The following EAPP variants were observed in gnomAD, a reference collection of about 807,000 sequenced individuals.
EAPP encodes the protein E2F associated phosphoprotein, also known as E2F-associated phosphoprotein.
A neutral mutation model predicts 34.3 loss-of-function variants in EAPP; 38 were observed. The ratio of observed to expected loss-of-function variants is 1.11; its 90% CI spans 0.85 to 1.45. The LOEUF is 1.45. Ranked by LOEUF, EAPP falls within the 40% of genes most tolerant of loss-of-function variation. EAPP has a pLI of 0.00. For missense variants in EAPP, 338 were observed against 343.7 expected, an observed-to-expected ratio of 0.98 and a Z score of 0.13; for synonymous variants, 113 against 117.6, an observed-to-expected ratio of 0.96 and a Z score of 0.25.
intron 5 of EAPP, among the ~76,000 whole-genome samples, chr14:34,519,530 T>C (rs1257224117): frequency 1.2e-4 from 17 of 147,628 alleles, no homozygotes; most frequent in African/African-American, 3.2e-4. Context: ...CAAGACTCCC[T>C]CTCAAAAAAA....
At chr14:34,537,305 C>G (rs1335396670) in intron 1 of EAPP, among the ~76,000 whole-genome samples, 1 of 152,202 alleles carries the variant, frequency 6.6e-6, no homozygotes, top group Non-Finnish European at 1.5e-5. Context: ...GCCACTGCAC[C>G]AGACCTGTAT....
Position 34,516,512 on chromosome 14 carries a change from C to T in EAPP, c.656G>A (p.Arg219Lys). 6.2e-7 allele frequency: 1 copy of T among 1,614,088 alleles called. No individual in the cohort carries two copies. The highest frequency in any genetic ancestry group is 8.5e-7 in the Non-Finnish European group (1 of 1,179,992). Residue 219 changes from arginine (R) to lysine (K), a missense_variant, in exon 6 of 6, where the codon AGA (arginine) becomes AAA (lysine). Coordinates refer to ENST00000250454, the MANE Select transcript of EAPP (RefSeq NM_018453.4). ...NCSINKEEVL[R>K]YKASENRKKR... ...CTTCCTGTTCTCTGAGGCTTTATAT[C>T]TTAGAACCTCCTCTTTGTTAATAGA...
chr14:34,517,653 T>C (rs1488166427), intron 5 of EAPP, among the ~76,000 whole-genome samples: 1 of 152,162 alleles, frequency 6.6e-6, no homozygotes, highest in Non-Finnish European at 1.5e-5. Flanking sequence ...AATTGTATCT[T>C]TTAAAATTAT....
At position 34,518,325 on chromosome 14, in the gene EAPP, A is replaced by ATTTTTTTTTTT. The variant is rs71404852; in HGVS notation, c.582-1750_582-1740dup. On this transcript the variant is annotated intron_variant, in intron 5 of 5. Transcript: ENST00000250454. Reference sequence around the variant, plus strand: ...TACTGTATTGTATCTCTCCCTTTAGATTTTTTTTTTTTTTTTTTTTTTTTT... The same window carrying ATTTTTTTTTTT: ...TACTGTATTGTATCTCTCCCTTTAGATTTTTTTTTTTTTTTTTTTTTTTTTTTTTTTTTTTT... 4.0e-5 allele frequency among the ~76,000 whole-genome samples: 3 copies of ATTTTTTTTTTT among 74,082 alleles called. 1 individual carries two copies. The highest frequency in any genetic ancestry group is 2.1e-4 in the African/African-American group (3 of 14,626). The allele number at this position is 74,082 out of a possible 152,430, so 48.6% of individuals were successfully genotyped here. A position where few individuals can be genotyped will look rare whatever the true frequency, so the allele number is the denominator to read the frequency against.
At chr14:34,532,186 G>A (rs1353482839) in intron 3 of EAPP, among the ~76,000 whole-genome samples, 2 of 149,220 alleles carry the variant, frequency 1.3e-5, no homozygotes, top group African/African-American at 2.5e-5. Context: ...GCCAGGCCGC[G>A]GTGGCTCACA....
chr14:34,525,896 T>C (rs994965501), intron 4 of EAPP, among the ~76,000 whole-genome samples: 1 of 151,920 alleles, frequency 6.6e-6, no homozygotes, highest in Admixed American at 6.6e-5. Flanking sequence ...GGCACATGCC[T>C]GTAGTCCCAG....
intron 2 of EAPP, among the ~76,000 whole-genome samples, chr14:34,535,607 T>C (rs953000779): frequency 6.6e-6 from 1 of 151,602 alleles, no homozygotes; most frequent in African/African-American, 2.4e-5. Context: ...TAATTTTTTG[T>C]ATTTTTAGTA....
At chr14:34,529,021 A>G (rs970236864) in intron 4 of EAPP, among the ~76,000 whole-genome samples, 1 of 152,030 alleles carries the variant, frequency 6.6e-6, no homozygotes, top group African/African-American at 2.4e-5. Context: ...CTGTAATCCC[A>G]ACTACTCGGG....
intron 2 of EAPP, among the ~76,000 whole-genome samples, chr14:34,533,819 A>G (rs1466510432): frequency 6.6e-6 from 1 of 152,160 alleles, no homozygotes; most frequent in Admixed American, 6.6e-5. Flanking sequence ...GGTTGCCAGC[A>G]CACATATCTC....
intron 3 of EAPP, among the ~76,000 whole-genome samples, chr14:34,530,901 T>A: frequency 2.1e-5 from 1 of 48,686 alleles, no homozygotes; most frequent in Non-Finnish European, 3.8e-5. Flanking sequence ...ACCCAATCTT[T>A]ACCAAAAAAA....
intron 3 of EAPP, among the ~76,000 whole-genome samples, chr14:34,531,008 G>T (rs72673453): frequency 0.035 from 5,287 of 149,258 alleles, 104 homozygotes; most frequent in Middle Eastern, 0.093. Flanking sequence ...TAGACTTTTT[G>T]AATGTATTCT....
chr14:34,536,702 TTTTG>T (rs570284667), intron 1 of EAPP, among the ~76,000 whole-genome samples: 70 of 152,048 alleles, frequency 4.6e-4, no homozygotes, highest in South Asian at 1.9e-3. Context: ...AGGATGGTTT[TTTTG>T]TTTGTTTGTT....
At chr14:34,523,526 GTT>G (rs10668919) in intron 5 of EAPP, among the ~76,000 whole-genome samples, 3 of 119,496 alleles carry the variant, frequency 2.5e-5, no homozygotes, top group Non-Finnish European at 1.7e-5. Flanking sequence ...CGCCCAGCCC[GTT>G]TTTTTTTTTT....
intron 2 of EAPP, among the ~76,000 whole-genome samples, chr14:34,534,483 A>T (rs536235924): frequency 6.6e-6 from 1 of 152,292 alleles, no homozygotes; most frequent in South Asian, 2.1e-4. Context: ...ATTTTACATA[A>T]AGACCAAGTA....
At chr14:34,532,805 G>A (rs570159413) in intron 3 of EAPP, among the ~76,000 whole-genome samples, 1 of 151,524 alleles carries the variant, frequency 6.6e-6, no homozygotes, top group African/African-American at 2.4e-5. Context: ...CTCCTGAGTA[G>A]CCGGGATTAC....
intron 3 of EAPP, among the ~76,000 whole-genome samples, 165 bp from the exon 4 acceptor site, chr14:34,529,640 G>A (rs1265729825): frequency 1.3e-5 from 2 of 152,190 alleles, no homozygotes; most frequent in African/African-American, 4.8e-5. Flanking sequence ...AGCACTTTGG[G>A]AGGCCAAGGT....
In EAPP at chr14:34,536,079, G is replaced by C; in HGVS notation, c.256+15C>G. Reference sequence around the variant, plus strand: ...AGCTTACAAAAATATATATAAAATTGAACCAAAAGTTTACCAGTTCCCAGA... The same window carrying C: ...AGCTTACAAAAATATATATAAAATTCAACCAAAAGTTTACCAGTTCCCAGA... On this transcript the variant is annotated intron_variant, in intron 2 of 5. Transcript: ENST00000250454. The C allele has an allele frequency of 1.3e-6, 2 of 1,596,104 alleles. No homozygotes were observed.
Position 34,516,174 on chromosome 14 carries a change from T to C in EAPP, c.*136A>G, listed in dbSNP as rs1594653543. On this transcript the variant is annotated 3_prime_UTR_variant, in exon 6 of 6. Coordinates refer to ENST00000250454, the MANE Select transcript of EAPP (RefSeq NM_018453.4). ...GAGAGATGTAAGAGATGAATGAAGG[T>C]TGACAACTATTCTCCTTTAAAAAGA... 3 of 817,762 alleles carry C rather than the reference T, an allele frequency of 3.7e-6. No individual in the cohort carries two copies. Among genetic ancestry groups the C allele is most frequent in the Admixed American group, 3.1e-5 (1 of 31,860 alleles). The allele number at this position is 817,762 out of a possible 1,614,324, so 50.7% of individuals were successfully genotyped here.
intron 4 of EAPP, among the ~76,000 whole-genome samples, chr14:34,526,166 C>T (rs1880088671): frequency 6.6e-6 from 1 of 152,134 alleles, no homozygotes; most frequent in Non-Finnish European, 1.5e-5. Context: ...CATGGTGGCT[C>T]ACGCCTGTAA....
Sources: gnomAD v4.1 joint callset for allele counts (sites outside exome capture counted in the v4.1 genomes callset) on GRCh38, gnomAD v4.1.1 for gene constraint, MANE v1.5 for transcripts, NCBI Gene and HGNC (gene_info 2026-07-23, HGNC 2026-07-21) for gene names.